The following CATSPERE variants were observed in gnomAD, a reference collection of about 807,000 sequenced individuals.
CATSPERE encodes the protein catsper channel auxiliary subunit epsilon.
CATSPERE carries 93 observed loss-of-function variants against 114.1 expected under a neutral mutation model. The ratio of observed to expected loss-of-function variants is 0.81; its 90% CI spans 0.69 to 0.97. The LOEUF is 0.97. Among genes scored for constraint, CATSPERE ranks in the 50% least tolerant of loss-of-function variants. The probability of loss-of-function intolerance (pLI) is 0.00; values close to 1 mark genes in which losing one functional copy is unlikely to be tolerated. For synonymous variants in CATSPERE, 341 were observed against 384.1 expected, an observed-to-expected ratio of 0.89 and a Z score of 1.31; for missense variants, 1,058 against 1,131.6, an observed-to-expected ratio of 0.93 and a Z score of 0.93.
rs150641689 is a variant in CATSPERE at position 244,615,480 on chromosome 1, G to A, written c.2491-2049G>A. 4.4e-3 allele frequency among the ~76,000 whole-genome samples: 674 copies of A among 151,472 alleles called. 7 individuals are homozygous for A. The highest frequency in any genetic ancestry group is 0.016 in the African/African-American group (655 of 41,262). On this transcript the variant is annotated intron_variant, in intron 19 of 21. Coordinates refer to ENST00000366534, the MANE Select transcript of CATSPERE (RefSeq NM_001130957.2). ...CATCACAGAGAGCACTTACACAAACGTAGGCGGTGTAGCCTACTAGATAAC... is the reference window on the plus strand; with the variant it reads ...CATCACAGAGAGCACTTACACAAACATAGGCGGTGTAGCCTACTAGATAAC...
At chr1:244,561,310 A>T (rs12217116) in intron 10 of CATSPERE, among the ~76,000 whole-genome samples, 165 bp downstream of exon 10, 29,743 of 152,144 alleles carry the variant, frequency 0.2, 4,341 homozygotes, top group East Asian at 0.42. Flanking sequence ...AGTAATGTTA[A>T]CTATGATCTC....
At chr1:244,636,271 A>T (rs1483411429) in intron 21 of CATSPERE, among the ~76,000 whole-genome samples, 1 of 151,932 alleles carries the variant, frequency 6.6e-6, no homozygotes, top group African/African-American at 2.4e-5. Context: ...GGTGTTTGGA[A>T]TTTGGGTGTT....
In CATSPERE at chr1:244,572,515, G is replaced by A; in HGVS notation, c.1693G>A (p.Asp565Asn). The A allele has an allele frequency of 6.2e-7, 1 of 1,614,058 alleles. No homozygotes were observed. Among genetic ancestry groups the A allele is most frequent in the Non-Finnish European group, 8.5e-7 (1 of 1,179,970 alleles). Residue 565 changes from aspartate to asparagine, a missense_variant, in exon 11 of 22, where the codon GAC (aspartate) becomes AAC (asparagine). Physicochemically the swap from Asp to Asn is conservative, Grantham distance 23. Coordinates refer to ENST00000366534, the MANE Select transcript of CATSPERE (RefSeq NM_001130957.2). ...ALDDGTIQIQDYPLHLEAQSI... is the reference protein window; with the variant it reads ...ALDDGTIQIQNYPLHLEAQSI... ...GGATGATGGCACAATACAAATACAG[G>A]ACTATCCCTTACATCTGGAAGCACA...
In CATSPERE at chr1:244,591,146, C is replaced by T. The variant is rs568653679; in HGVS notation, c.2139-535C>T. On this transcript the variant is annotated intron_variant, in intron 14 of 21. Transcript: ENST00000366534. ...GTTTTTGGTTTTTGTTCTGATTTGA[C>T]AGATAAAATTGTATGTATTTAGTGT... Among the ~76,000 whole-genome samples the T allele has an allele frequency of 6.6e-5, 10 of 151,804 alleles. No homozygotes were observed. The South Asian group carries it at 1.9e-3, about 28-fold the overall frequency.
chr1:244,514,483 G>A (rs1041350490), intron 7 of CATSPERE, among the ~76,000 whole-genome samples: 3 of 152,138 alleles, frequency 2.0e-5, no homozygotes, highest in Admixed American at 6.5e-5. Context: ...TGGTAATTAC[G>A]TGAATCTACG....
chr1:244,522,311 A>T (rs1215893886), intron 8 of CATSPERE, among the ~76,000 whole-genome samples: 1 of 152,166 alleles, frequency 6.6e-6, no homozygotes, highest in Non-Finnish European at 1.5e-5. Flanking sequence ...CAACATACCA[A>T]ATCTCTGGGA....
chr1:244,452,050 C>G, upstream of CATSPERE: 2 of 375,336 alleles, frequency 5.3e-6, no homozygotes, highest in Non-Finnish European at 9.4e-6. Flanking sequence ...CAGCACCGCC[C>G]GCAGGAAGAG....
rs774918244 is a variant in CATSPERE at position 244,552,539 on chromosome 1, G to A, written c.754G>A (p.Val252Ile). ...GGATGCTTGTGTAGTTGCATCTGCT[G>A]TTTTGGTGACAGATATGGAGACCTT... The part of the protein sequence containing the change: ...SWDACVVASA[V>I]LVTDMETFHT... Residue 252 changes from valine to isoleucine, a missense_variant, in exon 9 of 22, where the codon GTT (valine) becomes ATT (isoleucine). Around this residue, in one of 2 missense-constraint regions of CATSPERE, gnomAD observed 787 missense variants for 905.6 expected, o/e 0.87. Transcript: ENST00000366534. The A allele has an allele frequency of 5.6e-6, 9 of 1,614,070 alleles. No individual in the cohort carries two copies. Among genetic ancestry groups the A allele is most frequent in the Non-Finnish European group, 7.6e-6 (9 of 1,180,042 alleles).
intron 5 of CATSPERE, among the ~76,000 whole-genome samples, chr1:244,480,344 A>G (rs1426746995): frequency 1.3e-5 from 2 of 152,206 alleles, no homozygotes; most frequent in African/African-American, 4.8e-5. Flanking sequence ...ATGCTTTAGC[A>G]TCATAGTCTC....
intron 17 of CATSPERE, among the ~76,000 whole-genome samples, chr1:244,596,505 T>G (rs1668451560): frequency 6.6e-6 from 1 of 152,038 alleles, no homozygotes; most frequent in Non-Finnish European, 1.5e-5. Context: ...GGGGTTCACC[T>G]GCATCACTAG....
chr1:244,603,765 G>T (rs1202199895), intron 17 of CATSPERE, among the ~76,000 whole-genome samples: 2 of 151,954 alleles, frequency 1.3e-5, no homozygotes, highest in Non-Finnish European at 2.9e-5. Flanking sequence ...CAGTGCTTTG[G>T]GAATCAGAGG....
upstream of CATSPERE, among the ~76,000 whole-genome samples, chr1:244,452,323 T>C (rs1048821528): frequency 5.9e-5 from 9 of 152,380 alleles, no homozygotes; most frequent in South Asian, 2.1e-4. Context: ...CCACTGTGTC[T>C]GCCATCTGCA....
intron 8 of CATSPERE, among the ~76,000 whole-genome samples, chr1:244,527,153 C>A (rs551069140): frequency 6.6e-6 from 1 of 152,288 alleles, no homozygotes; most frequent in African/African-American, 2.4e-5. Flanking sequence ...TGAGAGCAGA[C>A]AACCAGTCTG....
intron 1 of CATSPERE, among the ~76,000 whole-genome samples, chr1:244,456,027 G>A (rs573428299): frequency 3.3e-5 from 5 of 152,156 alleles, no homozygotes; most frequent in African/African-American, 4.8e-5. Flanking sequence ...TTGGCTCTTC[G>A]CACACTTGGA....
At chr1:244,506,576 G>A (rs1335867836) in intron 7 of CATSPERE, among the ~76,000 whole-genome samples, 6 of 152,106 alleles carry the variant, frequency 3.9e-5, no homozygotes, top group Non-Finnish European at 8.8e-5. Flanking sequence ...TGTCTTTGGA[G>A]GAGGGAGTTT....
chr1:244,582,660 C>T (rs1422405385), intron 12 of CATSPERE, among the ~76,000 whole-genome samples: 1 of 152,198 alleles, frequency 6.6e-6, no homozygotes, highest in South Asian at 2.1e-4. Flanking sequence ...CCTTGGCTCC[C>T]CAGAGTGCTG....
chr1:244,567,286 CT>C (rs1194173760), intron 10 of CATSPERE, among the ~76,000 whole-genome samples: 1 of 152,106 alleles, frequency 6.6e-6, no homozygotes, highest in Non-Finnish European at 1.5e-5. Context: ...ACATTTTTTC[CT>C]TCATTTCAAC....
chr1:244,553,610 C>T (rs1216580606), intron 9 of CATSPERE, among the ~76,000 whole-genome samples: 25 of 124,348 alleles, frequency 2.0e-4, no homozygotes, highest in African/African-American at 9.4e-4. Context: ...AATACACACA[C>T]ACACACACAC....
intron 10 of CATSPERE, among the ~76,000 whole-genome samples, chr1:244,566,512 A>G (rs1397879150): frequency 1.3e-5 from 2 of 151,868 alleles, no homozygotes; most frequent in Non-Finnish European, 2.9e-5. Flanking sequence ...GTGCTCCTTT[A>G]TTGGGTGCAT....
Sources: gnomAD v4.1 joint callset for allele counts (sites outside exome capture counted in the v4.1 genomes callset) on GRCh38, gnomAD v4.1.1 for gene constraint, gnomAD v4.1.1 regional missense constraint, MANE v1.5 for transcripts, NCBI Gene and HGNC (gene_info 2026-07-23, HGNC 2026-07-21) for gene names.